The following AZIN2 variants were observed in gnomAD, a reference collection of about 807,000 sequenced individuals.
AZIN2 encodes the protein antizyme inhibitor 2.
In AZIN2, 28 loss-of-function variants were observed where a neutral mutation model predicts 47.8. That is an observed-to-expected ratio of 0.59 (90% confidence interval 0.43 to 0.80). The LOEUF (loss-of-function observed/expected upper bound fraction) is 0.80. Ranked by LOEUF, AZIN2 falls within the 30% of genes least tolerant of loss-of-function variation. The probability of loss-of-function intolerance (pLI) is 0.00; values close to 1 mark genes in which losing one functional copy is unlikely to be tolerated. For synonymous variants in AZIN2, 221 were observed against 239.4 expected (o/e 0.92, Z 0.71); for missense variants, 535 against 582.5 (o/e 0.92, Z 0.84).
chr1:33,120,071 T>C lies in AZIN2; in HGVS notation c.1272T>C (p.Ala424=). The change falls in exon 12 of 12, where the codon GCT becomes GCC. Residue 424 remains alanine, a synonymous_variant. Transcript: ENST00000294517. The part of the protein sequence containing the change: ...AWEALRRQLM[A]AEQEDDVEGV... ...AAGCGCTGCGAAGGCAGCTGATGGC[T>C]GCAGAACAGGAGGATGACGTGGAGG... 6.2e-7 allele frequency: 1 copy of C among 1,614,040 alleles called. No homozygotes were observed. The highest frequency in any genetic ancestry group is 8.5e-7 in the Non-Finnish European group (1 of 1,179,964).
At chr1:33,126,949 C>A (rs1021829552), downstream of AZIN2, among the ~76,000 whole-genome samples, 1 of 152,124 alleles carries the variant, frequency 6.6e-6, no homozygotes, top group African/African-American at 2.4e-5. Context: ...TATGGTAACC[C>A]TACTCTGGCA....
Position 33,122,022 on chromosome 1 carries a change from T to A in AZIN2, c.*1840T>A, listed in dbSNP as rs1156881833. 1.3e-5 allele frequency among the ~76,000 whole-genome samples: 2 copies of A among 152,114 alleles called. No homozygotes were observed. The highest frequency in any genetic ancestry group is 2.9e-5 in the Non-Finnish European group (2 of 68,018). On this transcript the variant is annotated 3_prime_UTR_variant, in exon 12 of 12. Coordinates refer to ENST00000294517, the MANE Select transcript of AZIN2 (RefSeq NM_052998.4). The stretch of plus-strand genomic sequence containing the variant: ...TGGGACATCAAAAGACTCAGGGCAA[T>A]CAGAAAGGGTTACTCTACTACCCCG...
chr1:33,150,999 CAGA>C, the AZIN2 span, among the ~76,000 whole-genome samples: 1 of 152,100 alleles, frequency 6.6e-6, no homozygotes, highest in African/African-American at 2.4e-5. Flanking sequence ...AGGCTCAGGG[CAGA>C]AGGACTGGTG....
At chr1:33,082,140 C>A in intron 3 of AZIN2, 38 bp from the exon 4 acceptor site, 2 of 890,168 alleles carry the variant, frequency 2.2e-6, no homozygotes, top group South Asian at 1.4e-5. Flanking sequence ...GCAGAGCCGG[C>A]CCCCCAGCGG....
the AZIN2 span, among the ~76,000 whole-genome samples, chr1:33,139,506 G>C: frequency 2.1e-4 from 32 of 152,298 alleles, no homozygotes; most frequent in Non-Finnish European, 4.0e-4. Flanking sequence ...AGCCTGCCTT[G>C]AGTGGGACAT....
intron 11 of AZIN2, chr1:33,119,103 C>A (rs1207375215): frequency 6.6e-6 from 1 of 152,342 alleles, no homozygotes. Flanking sequence ...GACCTGAAGG[C>A]TAAGGAGGAA....
At chr1:33,102,757 A>G (rs898248345) in intron 10 of AZIN2, among the ~76,000 whole-genome samples, 1 of 152,042 alleles carries the variant, frequency 6.6e-6, no homozygotes, top group Admixed American at 6.6e-5. Context: ...TTCTATCTCT[A>G]TCCTGGATCA....
the AZIN2 span, chr1:33,165,540 G>A: frequency 1.2e-6 from 2 of 1,610,316 alleles, no homozygotes; most frequent in African/African-American, 2.7e-5. This position sits in a 1 kb window ranked among gnomAD's most constrained non-coding sequence, Gnocchi z 4.0. Context: ...TGTCTTGAAG[G>A]GCCTGAAGTT....
intron 4 of AZIN2, 165 bp from the exon 5 acceptor site, chr1:33,083,789 G>A: frequency 1.4e-6 from 1 of 724,240 alleles, no homozygotes; most frequent in African/African-American, 1.7e-5. Flanking sequence ...AGGCTGAGGA[G>A]TTTGCCTTCT....
At chr1:33,162,269 C>T in the AZIN2 span, among the ~76,000 whole-genome samples, 5 of 152,172 alleles carry the variant, frequency 3.3e-5, no homozygotes, top group South Asian at 2.1e-4. Flanking sequence ...ACCTCCCTAG[C>T]GCCACTGCAT....
intron 10 of AZIN2, among the ~76,000 whole-genome samples, chr1:33,103,959 T>C (rs888715736): frequency 1.3e-5 from 2 of 151,862 alleles, no homozygotes; most frequent in Non-Finnish European, 2.9e-5. Context: ...CTTGGCTCAC[T>C]GCAACCTCTG....
chr1:33,138,580 C>T, the AZIN2 span, among the ~76,000 whole-genome samples: 1 of 149,482 alleles, frequency 6.7e-6, no homozygotes, highest in Non-Finnish European at 1.5e-5. Context: ...CCACTGCATT[C>T]CAGTCTGGGT....
chr1:33,121,479 C>A lies in AZIN2; in HGVS notation c.*1297C>A, dbSNP rs1410079231. Among the ~76,000 whole-genome samples, 2 of 152,194 alleles carry A rather than the reference C, an allele frequency of 1.3e-5. No homozygotes were observed. Among genetic ancestry groups the A allele is most frequent in the African/African-American group, 2.4e-5 (1 of 41,430 alleles). On this transcript the variant is annotated 3_prime_UTR_variant, in exon 12 of 12. Coordinates refer to ENST00000294517, the MANE Select transcript of AZIN2 (RefSeq NM_052998.4). ...TCAGGAGGCTGAGGCAGGAGAATCA[C>A]TTGAACAGGGAGGTGGAGGTCGCAG...
the AZIN2 span, among the ~76,000 whole-genome samples, chr1:33,160,695 G>C: frequency 6.6e-6 from 1 of 152,156 alleles, no homozygotes; most frequent in South Asian, 2.1e-4. Context: ...GTGAGCCATC[G>C]TGCCCGGCTG....
At chr1:33,159,586 A>G in the AZIN2 span, 1 of 1,436,752 alleles carries the variant, frequency 7.0e-7, no homozygotes, top group African/African-American at 1.4e-5. The surrounding 1 kb of genome is among the most constrained non-coding windows in gnomAD (Gnocchi z 4.2). Context: ...TTTGAATGAA[A>G]GAATTCTCTG....
chr1:33,143,849 C>T, the AZIN2 span, among the ~76,000 whole-genome samples: 2 of 152,242 alleles, frequency 1.3e-5, no homozygotes, highest in Admixed American at 1.3e-4. Flanking sequence ...GAAGAAGCTA[C>T]TTCCCTCATT....
chr1:33,082,372 G>A lies in AZIN2; in HGVS notation c.105+18G>A. ...CCACCACGGTGAGGGGCTGGGAATG[G>A]GGGTGGGTCCCCGGTCCCCTGTACA... On this transcript the variant is annotated intron_variant, in intron 4 of 11. Coordinates refer to ENST00000294517, the MANE Select transcript of AZIN2 (RefSeq NM_052998.4). The A allele has an allele frequency of 6.2e-6, 10 of 1,603,916 alleles. No individual in the cohort carries two copies. The highest frequency in any genetic ancestry group is 1.3e-5 in the African/African-American group (1 of 74,826).
At chr1:33,126,065 CCTTA>C (rs765642628), downstream of AZIN2, among the ~76,000 whole-genome samples, 1 of 152,178 alleles carries the variant, frequency 6.6e-6, no homozygotes, top group Non-Finnish European at 1.5e-5. Flanking sequence ...CCCTTCAGAG[CCTTA>C]CTTTTTCCTC....
chr1:33,094,777 T>A lies in AZIN2; in HGVS notation c.753+64T>A. Reference sequence around the variant, plus strand: ...GCGGGGAGGATAGGGAGGGATTAGATGATCGGAGGGAGACCACCGTGCGTG... The same window carrying A: ...GCGGGGAGGATAGGGAGGGATTAGAAGATCGGAGGGAGACCACCGTGCGTG... On this transcript the variant is annotated intron_variant, in intron 8 of 11. Transcript: ENST00000294517. 3.2e-6 allele frequency: 5 copies of A among 1,580,600 alleles called. No homozygotes were observed. In the Middle Eastern group the frequency reaches 6.8e-4, roughly 213 times the overall value.
Sources: gnomAD v4.1 joint callset for allele counts (sites outside exome capture counted in the v4.1 genomes callset) on GRCh38, gnomAD v4.1.1 for gene constraint, Gnocchi (gnomAD v3.1) non-coding constraint, MANE v1.5 for transcripts, NCBI Gene and HGNC (gene_info 2026-07-23, HGNC 2026-07-21) for gene names.